The following IPO11 variants were observed in gnomAD, a reference collection of about 807,000 sequenced individuals.
IPO11 encodes importin 11, also known as importin-11.
Under a neutral mutation model 143.2 loss-of-function variants are expected in IPO11, and 66 were observed. The ratio of observed to expected loss-of-function variants is 0.46; its 90% CI spans 0.38 to 0.57. The LOEUF (loss-of-function observed/expected upper bound fraction) is 0.57. Ranked by LOEUF, IPO11 falls within the 20% of genes least tolerant of loss-of-function variation. The pLI is 0.00. For missense variants in IPO11, 1,026 were observed against 1,141.0 expected, an observed-to-expected ratio of 0.90 and a Z score of 1.45; for synonymous variants, 385 against 377.8, an observed-to-expected ratio of 1.02 and a Z score of -0.22.
At chr5:62,506,431 C>G (rs1042163495) in intron 19 of IPO11, 74 bp downstream of exon 19, 18 of 814,672 alleles carry the variant, frequency 2.2e-5, no homozygotes, top group Admixed American at 1.0e-4. Flanking sequence ...ATATCCTTGA[C>G]TACATTGTTT....
intron 27 of IPO11, among the ~76,000 whole-genome samples, chr5:62,571,330 T>C (rs906494097): frequency 4.6e-5 from 7 of 152,210 alleles, no homozygotes; most frequent in African/African-American, 1.7e-4. Flanking sequence ...CAGTTTTCTG[T>C]CATTCTCAGT....
intron 20 of IPO11, among the ~76,000 whole-genome samples, chr5:62,522,664 T>C (rs1262906136): frequency 6.6e-6 from 1 of 152,160 alleles, no homozygotes; most frequent in African/African-American, 2.4e-5. Flanking sequence ...TTAAGGTCTT[T>C]CCTCAGTGAA....
At chr5:62,413,120 G>T (rs1041122323) in intron 1 of IPO11, among the ~76,000 whole-genome samples, 191 bp downstream of exon 1, 1 of 152,222 alleles carries the variant, frequency 6.6e-6, no homozygotes, top group African/African-American at 2.4e-5. Context: ...GGCTGGCCGA[G>T]GCAGCCCGGG....
intron 27 of IPO11, chr5:62,579,415 A>T (rs1371924071): frequency 6.5e-7 from 1 of 1,549,878 alleles, no homozygotes; most frequent in Admixed American, 2.0e-5. Flanking sequence ...TTCTGATCTG[A>T]ACAGAAAATC....
At chr5:62,419,143 T>G in intron 1 of IPO11, 1 of 1,546,058 alleles carries the variant, frequency 6.5e-7, no homozygotes, top group Non-Finnish European at 8.7e-7. Flanking sequence ...TATTTGTGTG[T>G]TTAAACATGT....
intron 1 of IPO11, among the ~76,000 whole-genome samples, chr5:62,421,462 G>C (rs1212655213): frequency 2.0e-5 from 3 of 152,160 alleles, no homozygotes; most frequent in African/African-American, 7.2e-5. Flanking sequence ...AATTTCACTT[G>C]AGATATTAAT....
At chr5:62,564,264 C>T (rs1436540754) in intron 27 of IPO11, among the ~76,000 whole-genome samples, 1 of 151,856 alleles carries the variant, frequency 6.6e-6, no homozygotes, top group African/African-American at 2.4e-5. Context: ...TTTATAGTCA[C>T]ATACTGTAGT....
At chr5:62,568,574 CAAAAAAAAAAA>C (rs66748975) in intron 27 of IPO11, among the ~76,000 whole-genome samples, 2 of 51,902 alleles carry the variant, frequency 3.9e-5, no homozygotes, top group African/African-American at 1.8e-4. Flanking sequence ...ACTCTGTCTC[CAAAAAAAAAAA>C]AAAAAAAAAA....
intron 24 of IPO11, among the ~76,000 whole-genome samples, chr5:62,541,990 A>T (rs1288817226): frequency 6.6e-6 from 1 of 152,118 alleles, no homozygotes; most frequent in Non-Finnish European, 1.5e-5. Context: ...AGGTTATAAA[A>T]TCACTTAAGC....
At chr5:62,418,856 A>C (rs932423631) in intron 1 of IPO11, 1 of 759,640 alleles carries the variant, frequency 1.3e-6, no homozygotes, top group Non-Finnish European at 2.0e-6. Flanking sequence ...CCTTATTCTT[A>C]TATGCCTGTG....
intron 3 of IPO11, among the ~76,000 whole-genome samples, chr5:62,444,840 G>T (rs1744659600): frequency 6.6e-6 from 1 of 151,794 alleles, no homozygotes; most frequent in African/African-American, 2.4e-5. Context: ...CTGCACTCCA[G>T]CCTGGGCGAC....
intron 22 of IPO11, among the ~76,000 whole-genome samples, chr5:62,535,799 A>C (rs1742714702): frequency 6.6e-6 from 1 of 152,166 alleles, no homozygotes; most frequent in Non-Finnish European, 1.5e-5. Context: ...AAATTAAGAA[A>C]AAATAATTTG....
At chr5:62,529,395 A>G (rs965764296) in intron 21 of IPO11, among the ~76,000 whole-genome samples, 8 of 152,118 alleles carry the variant, frequency 5.3e-5, no homozygotes, top group Admixed American at 2.6e-4. Flanking sequence ...TTTTAAAAGA[A>G]ACTTGATTTC....
chr5:62,517,097 C>CT (rs1204440840), intron 20 of IPO11, among the ~76,000 whole-genome samples: 1 of 151,934 alleles, frequency 6.6e-6, no homozygotes, highest in East Asian at 2.0e-4. Context: ...GCTCAGGAGG[C>CT]TGAGGCAGGA....
At chr5:62,430,415 G>A (rs546465868) in intron 1 of IPO11, among the ~76,000 whole-genome samples, 1 of 152,138 alleles carries the variant, frequency 6.6e-6, no homozygotes, top group African/African-American at 2.4e-5. Context: ...TGACCTCCAG[G>A]GCTCAAGCAG....
intron 20 of IPO11, among the ~76,000 whole-genome samples, chr5:62,520,508 T>A (rs1742168996): frequency 6.6e-6 from 1 of 152,168 alleles, no homozygotes; most frequent in Non-Finnish European, 1.5e-5. Context: ...TATCTCCTAA[T>A]GTTATCCCTC....
At chr5:62,423,483 G>A (rs544625336) in intron 1 of IPO11, among the ~76,000 whole-genome samples, 1 of 152,294 alleles carries the variant, frequency 6.6e-6, no homozygotes, top group East Asian at 1.9e-4. Flanking sequence ...AGGAAGGAGC[G>A]CTTTACTGTC....
rs199813589 is a variant in IPO11, at chr5:62,526,371, C to CT, written c.2012+115dup. 6.8e-4 allele frequency: 466 copies of CT among 686,714 alleles called. 2 individuals carry two copies. The East Asian group carries it at 0.013, about 19-fold the overall frequency. 42.5% of individuals were successfully genotyped at this position (686,714 alleles called of 1,614,324 possible). ...GCTTTAAAAACAGAAAATGTAAACT[C>CT]TGTTTCTTCAAACTGGGGCATATAT... On this transcript the variant is annotated intron_variant, in intron 21 of 29. Transcript: ENST00000325324.
intron 1 of IPO11, among the ~76,000 whole-genome samples, chr5:62,435,333 G>C (rs1744180686): frequency 6.6e-6 from 1 of 150,584 alleles, no homozygotes; most frequent in Non-Finnish European, 1.5e-5. Context: ...AGATGCCATG[G>C]CTCATGCCTG....
Sources: gnomAD v4.1 joint callset for allele counts (sites outside exome capture counted in the v4.1 genomes callset) on GRCh38, gnomAD v4.1.1 for gene constraint, MANE v1.5 for transcripts, NCBI Gene and HGNC (gene_info 2026-07-23, HGNC 2026-07-21) for gene names.